The following CSMD1 variants were observed in gnomAD, a reference collection of about 807,000 sequenced individuals.
CSMD1 encodes CUB and Sushi multiple domains 1, also known as CUB and sushi domain-containing protein 1.
Under a neutral mutation model 417.5 loss-of-function variants are expected in CSMD1, and 213 were observed. The observed-to-expected ratio is 0.51, with a 90% CI of 0.46 to 0.57. CSMD1 has a LOEUF of 0.57. Among genes scored for constraint, CSMD1 ranks in the 20% least tolerant of loss-of-function variants. The pLI is 0.00. For missense variants in CSMD1, 6,923 were observed against 4,529.7 expected, an observed-to-expected ratio of 1.53 and a Z score of -15.17; for synonymous variants, 2,862 against 1,736.8, an observed-to-expected ratio of 1.65 and a Z score of -16.11.
intron 12 of CSMD1, among the ~76,000 whole-genome samples, chr8:3,453,653 T>A (rs924606174): frequency 1.3e-5 from 2 of 152,238 alleles, no homozygotes; most frequent in African/African-American, 4.8e-5. Context: ...GAATTGTAGT[T>A]TTATTGCACT....
chr8:4,745,207 A>C (rs1204238977), intron 1 of CSMD1, among the ~76,000 whole-genome samples: 1 of 152,170 alleles, frequency 6.6e-6, no homozygotes, highest in African/African-American at 2.4e-5. Context: ...TATACATACA[A>C]AGTTATAGCT....
chr8:3,964,989 G>A (rs1210993644), intron 5 of CSMD1, among the ~76,000 whole-genome samples: 2 of 152,094 alleles, frequency 1.3e-5, no homozygotes, highest in African/African-American at 2.4e-5. Context: ...AAACTCTCTA[G>A]GCCACGGTTT....
intron 3 of CSMD1, among the ~76,000 whole-genome samples, chr8:4,223,031 C>G (rs775574343): frequency 2.6e-4 from 40 of 152,044 alleles, no homozygotes; most frequent in Non-Finnish European, 3.2e-4. Flanking sequence ...ATAAGAAGAA[C>G]TGACAACAGG....
At chr8:3,915,357 G>C (rs1483587469) in intron 5 of CSMD1, among the ~76,000 whole-genome samples, 3 of 136,262 alleles carry the variant, frequency 2.2e-5, no homozygotes, top group Non-Finnish European at 3.1e-5. Context: ...AGTGAGCTTA[G>C]ATAGTGCCAC....
chr8:4,554,027 C>T (rs1367751682), intron 2 of CSMD1, among the ~76,000 whole-genome samples: 2 of 152,178 alleles, frequency 1.3e-5, no homozygotes, highest in African/African-American at 2.4e-5. Flanking sequence ...TCTAACCGCC[C>T]AGTGTTCCAC....
intron 46 of CSMD1, among the ~76,000 whole-genome samples, chr8:3,099,853 C>G (rs1815604420): frequency 6.6e-6 from 1 of 152,136 alleles, no homozygotes; most frequent in Non-Finnish European, 1.5e-5. Flanking sequence ...ACAGAGGACT[C>G]TCAGTTTCTA....
At chr8:4,604,940 G>A (rs1049684855) in intron 2 of CSMD1, among the ~76,000 whole-genome samples, 3 of 152,146 alleles carry the variant, frequency 2.0e-5, no homozygotes, top group Non-Finnish European at 4.4e-5. Flanking sequence ...TTCTTTGCCA[G>A]AGATGTAATT....
chr8:4,142,534 C>T lies in CSMD1; in HGVS notation c.416-110435G>A, dbSNP rs985782624. Among the ~76,000 whole-genome samples the T allele has an allele frequency of 8.6e-5, 13 of 151,248 alleles. 2 individuals are homozygous for T. Among genetic ancestry groups the T allele is most frequent in the African/African-American group, 3.2e-4 (13 of 40,540 alleles). On this transcript the variant is annotated intron_variant, in intron 3 of 69. Coordinates refer to ENST00000635120, the MANE Select transcript of CSMD1 (RefSeq NM_033225.6). ...TGTTCTAGATGAATTCTAAGTTTAG[C>T]AACATGTTCAGACACTAAAATGACC...
chr8:4,137,445 CAAAAT>C lies in CSMD1; in HGVS notation c.416-105351_416-105347del, dbSNP rs947199157. Among the ~76,000 whole-genome samples the C allele has an allele frequency of 5.2e-4, 45 of 86,554 alleles. 5 individuals carry two copies. The highest frequency in any genetic ancestry group is 0.012 in the Middle Eastern group (2 of 162). The allele number at this position is 86,554 out of a possible 152,430, so 56.8% of individuals were successfully genotyped here. On this transcript the variant is annotated intron_variant, in intron 3 of 69. Transcript: ENST00000635120. Reference sequence around the variant, plus strand: ...TTAATAATGAAATTAAATATATTGTCAAAATAGAGAGTATTTTAAAAGGTAATTTT... The same window carrying C: ...TTAATAATGAAATTAAATATATTGTCAGAGAGTATTTTAAAAGGTAATTTT...
At chr8:4,638,639 G>A (rs114001081) in intron 1 of CSMD1, among the ~76,000 whole-genome samples, 3,232 of 152,274 alleles carry the variant, frequency 0.021, 111 homozygotes, top group African/African-American at 0.074. Flanking sequence ...AGAGCAGTAA[G>A]TAAGCAGTAA....
intron 26 of CSMD1, among the ~76,000 whole-genome samples, chr8:3,276,294 T>C (rs541036257): frequency 5.9e-5 from 9 of 152,302 alleles, no homozygotes; most frequent in African/African-American, 1.9e-4. Flanking sequence ...GATCTCCAGC[T>C]GCATGCTGGG....
intron 2 of CSMD1, among the ~76,000 whole-genome samples, chr8:4,532,053 A>G (rs1169594955): frequency 1.4e-5 from 2 of 147,206 alleles, no homozygotes; most frequent in African/African-American, 5.0e-5. Flanking sequence ...GTCACTCCGG[A>G]AAATAAATCC....
At chr8:3,659,741 A>C (rs915432726) in intron 7 of CSMD1, among the ~76,000 whole-genome samples, 4 of 152,148 alleles carry the variant, frequency 2.6e-5, no homozygotes, top group African/African-American at 7.2e-5. Flanking sequence ...TAATTCCCCC[A>C]ACACCCCTAT....
rs1800685356 is a variant in CSMD1, at chr8:3,805,567, A to T, written c.819-51525T>A. Among the ~76,000 whole-genome samples, 6 of 152,286 alleles carry T rather than the reference A, an allele frequency of 3.9e-5. No individual in the cohort carries two copies. In the South Asian group the frequency reaches 1.2e-3, roughly 32 times the overall value. ...AAAGATTTTTTGTTTGTTTGCAAGA[A>T]ACAGGTGAAACCTTTCTGAATCAGT... On this transcript the variant is annotated intron_variant, in intron 5 of 69. Transcript: ENST00000635120.
chr8:3,277,814 G>C (rs934452083), intron 26 of CSMD1, among the ~76,000 whole-genome samples: 3 of 152,162 alleles, frequency 2.0e-5, no homozygotes, highest in Non-Finnish European at 4.4e-5. Context: ...AACTAGTAAT[G>C]GGATTGGGGG....
At chr8:3,494,895 G>A (rs1266175423) in intron 10 of CSMD1, among the ~76,000 whole-genome samples, 1 of 152,150 alleles carries the variant, frequency 6.6e-6, no homozygotes, top group Non-Finnish European at 1.5e-5. Flanking sequence ...AAAAGAGTAA[G>A]TGGTAGCATA....
intron 1 of CSMD1, among the ~76,000 whole-genome samples, chr8:4,671,300 C>T (rs368644566): frequency 1.4e-4 from 21 of 152,282 alleles, no homozygotes; most frequent in African/African-American, 4.6e-4. Flanking sequence ...TAGGGAAACG[C>T]TAACATGGCA....
chr8:4,445,137 G>A (rs1410618294), intron 2 of CSMD1, among the ~76,000 whole-genome samples: 2 of 152,168 alleles, frequency 1.3e-5, no homozygotes, highest in Non-Finnish European at 2.9e-5. Flanking sequence ...ATACAGTGCT[G>A]TTTTAAGATT....
intron 20 of CSMD1, among the ~76,000 whole-genome samples, 173 bp downstream of exon 20, chr8:3,366,859 C>T (rs1809605271): frequency 6.6e-6 from 1 of 152,168 alleles, no homozygotes; most frequent in African/African-American, 2.4e-5. Flanking sequence ...TACTTGCACC[C>T]TGCTTCGTGG....
Sources: gnomAD v4.1 joint callset for allele counts (sites outside exome capture counted in the v4.1 genomes callset) on GRCh38, gnomAD v4.1.1 for gene constraint, MANE v1.5 for transcripts, NCBI Gene and HGNC (gene_info 2026-07-23, HGNC 2026-07-21) for gene names.